The following ISM2 variants were observed in gnomAD, a reference collection of about 807,000 sequenced individuals.
The protein encoded by ISM2 is isthmin 2.
In ISM2, 50 loss-of-function variants were observed where a neutral mutation model predicts 58.0. That is an observed-to-expected ratio of 0.86 (90% CI 0.69 to 1.09). The LOEUF is 1.09. Among genes scored for constraint, ISM2 ranks in the 50% least tolerant of loss-of-function variants. ISM2 has a pLI of 0.00. For missense variants in ISM2, 723 were observed against 745.0 expected (o/e 0.97, Z 0.34); for synonymous variants, 303 against 312.4 (o/e 0.97, Z 0.32).
chr14:77,497,749 GGGAGGGAGGGAGGGAGGGAGGGAA>G (rs1262948639), intron 1 of ISM2, among the ~76,000 whole-genome samples: 79 of 67,702 alleles, frequency 1.2e-3, no homozygotes, highest in African/African-American at 4.7e-3. Context: ...GAGGGAGGGA[GGGAGGGAGGGAGGGAGGGAGGGAA>G]GGAAGGAAGG....
intron 4 of ISM2, among the ~76,000 whole-genome samples, chr14:77,480,079 G>C (rs1292090463): frequency 6.6e-6 from 1 of 152,144 alleles, no homozygotes; most frequent in African/African-American, 2.4e-5. Flanking sequence ...AGCACTTCGG[G>C]AGGCTGAGGC....
chr14:77,493,117 C>G (rs907409081), intron 1 of ISM2, among the ~76,000 whole-genome samples: 1 of 152,158 alleles, frequency 6.6e-6, no homozygotes, highest in African/African-American at 2.4e-5. Context: ...CCCACTTCAG[C>G]CCCCAGTAGC....
intron 6 of ISM2, 122 bp from the exon 7 acceptor site, chr14:77,476,234 C>T (rs543960309): frequency 1.5e-5 from 17 of 1,142,586 alleles, no homozygotes; most frequent in Admixed American, 2.8e-5. Flanking sequence ...GGTGCAAAGG[C>T]GTGGCTTGGT....
chr14:77,493,713 C>T (rs549691005), intron 1 of ISM2, among the ~76,000 whole-genome samples: 1 of 152,054 alleles, frequency 6.6e-6, no homozygotes, highest in South Asian at 2.1e-4. Context: ...CCACCTGCCT[C>T]GGCCTCCCAA....
chr14:77,492,157 C>G (rs940574131), intron 1 of ISM2, among the ~76,000 whole-genome samples: 8 of 152,182 alleles, frequency 5.3e-5, no homozygotes, highest in African/African-American at 1.7e-4. Flanking sequence ...CCACCACACC[C>G]AGCCTCTCTT....
chr14:77,481,766 T>A (rs1171615522), intron 4 of ISM2, among the ~76,000 whole-genome samples: 1 of 151,174 alleles, frequency 6.6e-6, no homozygotes, highest in Non-Finnish European at 1.5e-5. Flanking sequence ...TTAGGGGATA[T>A]CAGAGATTTT....
chr14:77,496,469 C>T (rs1455357441), intron 1 of ISM2, among the ~76,000 whole-genome samples: 1 of 149,540 alleles, frequency 6.7e-6, no homozygotes, highest in Non-Finnish European at 1.5e-5. Flanking sequence ...GTCTGGGCAA[C>T]AAGAGCAAAA....
intron 1 of ISM2, among the ~76,000 whole-genome samples, chr14:77,485,940 A>T (rs950234143): frequency 2.6e-5 from 4 of 152,242 alleles, no homozygotes; most frequent in Non-Finnish European, 5.9e-5. Context: ...GAAGATAATC[A>T]TTCTTCCCTG....
In ISM2 at chr14:77,482,515, CCTGT is replaced by C. The variant is rs1176207495; in HGVS notation, c.776_779del (p.Asp259GlyfsTer149). 1 of 1,614,066 alleles carries C rather than the reference CCTGT, an allele frequency of 6.2e-7. No homozygotes were observed. The highest frequency in any genetic ancestry group is 8.5e-7 in the Non-Finnish European group (1 of 1,180,036). On this transcript the variant is annotated frameshift_variant, in exon 4 of 7. Transcript: ENST00000342219. LOFTEE classifies it high-confidence loss of function. ...TTTCCTCCCCCTTCTCCCCTGGGGCCCTGTCTTTTTCCTCTCCTTTGTAGTCTCC... is the reference window on the plus strand; with the variant it reads ...TTTCCTCCCCCTTCTCCCCTGGGGCCCTTTTTCCTCTCCTTTGTAGTCTCC...
At chr14:77,481,220 A>G (rs1412769145) in intron 4 of ISM2, among the ~76,000 whole-genome samples, 1 of 151,920 alleles carries the variant, frequency 6.6e-6, no homozygotes, top group Non-Finnish European at 1.5e-5. Flanking sequence ...CACACCTGTA[A>G]TCTCAGCTAC....
Position 77,498,672 on chromosome 14 carries a change from C to A in ISM2, c.122G>T (p.Ser41Ile). 1 of 1,476,434 alleles carries A rather than the reference C, an allele frequency of 6.8e-7. No individual in the cohort carries two copies. The highest frequency in any genetic ancestry group is 8.9e-7 in the Non-Finnish European group (1 of 1,121,520). The allele number at this position is 1,476,434 out of a possible 1,614,324, so 91.5% of individuals were successfully genotyped here. A position where few individuals can be genotyped will look rare whatever the true frequency, so the allele number is the denominator to read the frequency against. ...KPRLRGPRPG[S>I]LTRLAEVSAS... is the part of the protein sequence containing the mutation. Reference sequence around the variant, plus strand: ...ACTCACCTCTGCGAGCCTCGTGAGGCTCCCAGGCCGTGGTCCGCGGAGCCG... The same window carrying A: ...ACTCACCTCTGCGAGCCTCGTGAGGATCCCAGGCCGTGGTCCGCGGAGCCG... Residue 41 changes from serine to isoleucine, a missense_variant, in exon 1 of 7, where the codon AGC becomes ATC. Transcript: ENST00000342219.
At chr14:77,483,554 A>T (rs2139961007) in intron 3 of ISM2, among the ~76,000 whole-genome samples, 1 of 151,754 alleles carries the variant, frequency 6.6e-6, no homozygotes, top group East Asian at 1.9e-4. Flanking sequence ...TCTCAAAAAA[A>T]AAAAAAAAGA....
At position 77,475,437 on chromosome 14, in the gene ISM2, T is replaced by C. The variant is rs1168851949; in HGVS notation, c.*158A>G. 4.6e-6 allele frequency: 3 copies of C among 655,570 alleles called. No homozygotes were observed. Among genetic ancestry groups the C allele is most frequent in the Non-Finnish European group, 7.5e-6 (3 of 399,250 alleles). The allele number at this position is 655,570 out of a possible 1,614,324, so 40.6% of individuals were successfully genotyped here. ...CACTAACCCCACTGAGATATCTGCT[T>C]CGGGGTCGCTGGCAGAGGGCACACA... is the stretch of plus-strand genomic sequence containing the variant. On this transcript the variant is annotated 3_prime_UTR_variant, in exon 7 of 7. Transcript: ENST00000342219. The surrounding 1 kb of genome is among the most constrained non-coding windows in gnomAD (Gnocchi z 4.1).
Position 77,475,508 on chromosome 14 carries a change from G to T in ISM2, c.*87C>A. 1 of 1,450,256 alleles carries T rather than the reference G, an allele frequency of 6.9e-7. No homozygotes were observed. The allele number at this position is 1,450,256 out of a possible 1,614,324, so 89.8% of individuals were successfully genotyped here. On this transcript the variant is annotated 3_prime_UTR_variant, in exon 7 of 7. Transcript: ENST00000342219. The surrounding 1 kb of genome is among the most constrained non-coding windows in gnomAD (Gnocchi z 4.1). Reference sequence around the variant, plus strand: ...GGGGAGCCCTTTCCTCACCCTGTCTGGGCAGGGGCGGGTGAGGAAAGTTCT... The same window carrying T: ...GGGGAGCCCTTTCCTCACCCTGTCTTGGCAGGGGCGGGTGAGGAAAGTTCT...
Position 77,484,824 on chromosome 14 carries a change from T to TC in ISM2, c.236dup (p.Cys80MetfsTer6), listed in dbSNP as rs1566755870. The TC allele has an allele frequency of 6.2e-7, 1 of 1,609,816 alleles. No individual in the cohort carries two copies. Among genetic ancestry groups the TC allele is most frequent in the Non-Finnish European group, 8.5e-7 (1 of 1,178,720 alleles). Reference sequence around the variant, plus strand: ...CTGCTGGCTCAGTGACAGTCCAGCATCCATGTTGGTGTGGCTCTGCCTGCA... The same window carrying TC: ...CTGCTGGCTCAGTGACAGTCCAGCATCCCATGTTGGTGTGGCTCTGCCTGCA... On this transcript the variant is annotated frameshift_variant, in exon 2 of 7. Coordinates refer to ENST00000342219, the MANE Select transcript of ISM2 (RefSeq NM_199296.3). LOFTEE classifies it high-confidence loss of function.
At chr14:77,478,778 C>A in intron 4 of ISM2, 63 bp from the exon 5 acceptor site, 1 of 1,528,704 alleles carries the variant, frequency 6.5e-7, no homozygotes, top group South Asian at 1.1e-5. Context: ...TGGTACAAAT[C>A]AGCACAGGGC....
At position 77,482,353 on chromosome 14, in the gene ISM2, C is replaced by T. The variant is rs563368994; in HGVS notation, c.942G>A (p.Gly314=). Reference sequence around the variant, plus strand: ...TGACAGAATCCTTGAAGACCCAATCCCCGGGGGCCAGCCAGCCCTGGTCCC... The same window carrying T: ...TGACAGAATCCTTGAAGACCCAATCTCCGGGGGCCAGCCAGCCCTGGTCCC... The part of the protein sequence containing the change: ...DNWDQGWLAP[G]DWVFKDSVSY... Residue 314 remains glycine, a synonymous_variant, in exon 4 of 7, where the codon GGG becomes GGA. Coordinates refer to ENST00000342219, the MANE Select transcript of ISM2 (RefSeq NM_199296.3). 5 of 1,613,860 alleles carry T rather than the reference C, an allele frequency of 3.1e-6. No individual in the cohort carries two copies. Among genetic ancestry groups the T allele is most frequent in the Admixed American group, 3.3e-5 (2 of 60,002 alleles).
rs1332446349 is a variant in ISM2, at chr14:77,476,046, A to G, written c.1265T>C (p.Met422Thr). The G allele has an allele frequency of 6.4e-6, 10 of 1,553,022 alleles. No individual in the cohort carries two copies. In the Admixed American group the frequency reaches 9.0e-5, roughly 14 times the overall value. Residue 422 changes from methionine (M) to threonine (T), a missense_variant, in exon 7 of 7, where the codon ATG becomes ACG. By Grantham distance (81) the Met-to-Thr change is moderately conservative. Transcript: ENST00000342219. Reference protein sequence around the residue: ...SDFLIKYLSQMLRDLPSCPCA... With the variant: ...SDFLIKYLSQTLRDLPSCPCA... ...CGGGCAGCTGGGCAGGTCCCGCAGC[A>G]TCTGGCTCAGATACTTGATTAGGAA...
At chr14:77,480,548 CTTTTTTTTTTTT>C (rs537228308) in intron 4 of ISM2, among the ~76,000 whole-genome samples, 3 of 84,826 alleles carry the variant, frequency 3.5e-5, no homozygotes, top group East Asian at 3.6e-4. Flanking sequence ...AAATTTTTTC[CTTTTTTTTTTTT>C]TTTTTTTTTT....
Sources: gnomAD v4.1 joint callset for allele counts (sites outside exome capture counted in the v4.1 genomes callset) on GRCh38, gnomAD v4.1.1 for gene constraint, Gnocchi (gnomAD v3.1) non-coding constraint, MANE v1.5 for transcripts, NCBI Gene and HGNC (gene_info 2026-07-23, HGNC 2026-07-21) for gene names.